The following ESRRA variants were observed in gnomAD, a reference collection of about 807,000 sequenced individuals.
ESRRA encodes estrogen related receptor alpha.
ESRRA carries 7 observed loss-of-function variants against 35.6 expected under a neutral mutation model. The ratio of observed to expected loss-of-function variants is 0.20; its 90% CI spans 0.11 to 0.37. The LOEUF (loss-of-function observed/expected upper bound fraction) is 0.37. Among genes scored for constraint, ESRRA ranks in the 10% least tolerant of loss-of-function variants. The probability of loss-of-function intolerance (pLI) is 1.00; values close to 1 mark genes in which losing one functional copy is unlikely to be tolerated. For missense variants in ESRRA, 378 were observed against 561.7 expected (o/e 0.67, Z 3.31); for synonymous variants, 223 against 246.9 (o/e 0.90, Z 0.91).
Position 64,309,425 on chromosome 11 carries a change from C to A in ESRRA, c.325+1921C>A, listed in dbSNP as rs2035097728. 2.6e-5 allele frequency among the ~76,000 whole-genome samples: 3 copies of A among 114,422 alleles called. No individual in the cohort carries two copies. The South Asian group carries it at 8.9e-4, about 34-fold the overall frequency. The allele number at this position is 114,422 out of a possible 152,430, so 75.1% of individuals were successfully genotyped here. ...CTAGTCTGGGCAACAGAATGAGACA[C>A]TCTCATCTCAAAAAAAAAAAAAAAA... On this transcript the variant is annotated intron_variant, in intron 2 of 6. Coordinates refer to ENST00000000442, the MANE Select transcript of ESRRA (RefSeq NM_004451.5).
intron 1 of ESRRA, 107 bp from the exon 2 acceptor site, chr11:64,307,061 G>C (rs1033378053): frequency 6.8e-6 from 6 of 878,420 alleles, no homozygotes; most frequent in Non-Finnish European, 8.6e-6. Context: ...CACTTGCTGG[G>C]CTTGGAAGCC....
chr11:64,308,605 A>G (rs965597502), intron 2 of ESRRA, among the ~76,000 whole-genome samples: 14 of 147,500 alleles, frequency 9.5e-5, no homozygotes, highest in Non-Finnish European at 1.6e-4. Context: ...TCATGAGGTC[A>G]GGAGATTGAG....
Position 64,314,921 on chromosome 11 carries a change from C to G in ESRRA, c.742+10C>G. 6.2e-7 allele frequency: 1 copy of G among 1,611,280 alleles called. No homozygotes were observed. The highest frequency in any genetic ancestry group is 8.5e-7 in the Non-Finnish European group (1 of 1,179,602). On this transcript the variant is annotated intron_variant, in intron 5 of 6. Coordinates refer to ENST00000000442, the MANE Select transcript of ESRRA (RefSeq NM_004451.5). ...GCCAAGAGCATCCCAGGTAAAGGGCCCAGGTGACCCGGGGCTGCCCTGAAC... is the reference window on the plus strand; with the variant it reads ...GCCAAGAGCATCCCAGGTAAAGGGCGCAGGTGACCCGGGGCTGCCCTGAAC...
At chr11:64,309,724 G>C (rs2035103648) in intron 2 of ESRRA, among the ~76,000 whole-genome samples, 1 of 151,396 alleles carries the variant, frequency 6.6e-6, no homozygotes, top group South Asian at 2.1e-4. Flanking sequence ...ACAAGGTCAG[G>C]AGTTCGAGAC....
In ESRRA at chr11:64,316,061, A is replaced by C. The variant is rs1339187292; in HGVS notation, c.*95A>C. 10 of 1,409,528 alleles carry C rather than the reference A, an allele frequency of 7.1e-6. No homozygotes were observed. The Middle Eastern group carries it at 8.0e-4, about 113-fold the overall frequency. The allele number at this position is 1,409,528 out of a possible 1,614,324, so 87.3% of individuals were successfully genotyped here. ...GCGGAGCTGGGGTCTGGGCAGTGCC[A>C]CAGCCTGCTGGCAGGGCCAGGGCAA... On this transcript the variant is annotated 3_prime_UTR_variant, in exon 7 of 7. Transcript: ENST00000000442.
intron 2 of ESRRA, among the ~76,000 whole-genome samples, chr11:64,309,287 G>C (rs189358425): frequency 1.2e-4 from 18 of 151,484 alleles, no homozygotes; most frequent in African/African-American, 4.4e-4. Flanking sequence ...ACAAAAATTA[G>C]CCGGGCGTGG....
At chr11:64,307,973 A>G (rs545031227) in intron 2 of ESRRA, among the ~76,000 whole-genome samples, 5 of 152,060 alleles carry the variant, frequency 3.3e-5, no homozygotes, top group African/African-American at 9.6e-5. Context: ...GCTCACTGCA[A>G]CCTTTGCCCC....
intron 2 of ESRRA, among the ~76,000 whole-genome samples, chr11:64,312,935 C>T (rs2035171100): frequency 6.6e-6 from 1 of 152,038 alleles, no homozygotes; most frequent in African/African-American, 2.4e-5. Context: ...GAAGCAGGGG[C>T]GTAGGCCTAG....
chr11:64,315,351 T>C (rs41294418), intron 6 of ESRRA, 81 bp downstream of exon 6: 20,982 of 1,446,920 alleles, frequency 0.015, 208 homozygotes, highest in Middle Eastern at 0.022. Context: ...CACAGCCCCA[T>C]TTTGCAGATA....
rs566802559 is a variant in ESRRA, at chr11:64,305,631, G to C, written c.-118G>C. 9.3e-4 allele frequency: 140 copies of C among 150,298 alleles called. No homozygotes were observed. Among genetic ancestry groups the C allele is most frequent in the Admixed American group, 1.5e-3 (23 of 15,106 alleles). 9.3% of individuals were successfully genotyped at this position (150,298 alleles called of 1,614,324 possible). Reference sequence around the variant, plus strand: ...GGACGCGGCGCGGTGGGGCGGCGCGGCCCGAGGAGGCGGCGGAGGAGGGGC... The same window carrying C: ...GGACGCGGCGCGGTGGGGCGGCGCGCCCCGAGGAGGCGGCGGAGGAGGGGC... On this transcript the variant is annotated 5_prime_UTR_variant, in exon 1 of 7. Coordinates refer to ENST00000000442, the MANE Select transcript of ESRRA (RefSeq NM_004451.5). The surrounding 1 kb of genome is among the most constrained non-coding windows in gnomAD (Gnocchi z 5.8).
At chr11:64,312,524 T>A (rs1043511131) in intron 2 of ESRRA, among the ~76,000 whole-genome samples, 25 of 152,198 alleles carry the variant, frequency 1.6e-4, no homozygotes, top group Admixed American at 1.3e-3. Context: ...GGGCCTGCTG[T>A]CTAGCTGTGT....
rs2035016876 is a variant in ESRRA, at chr11:64,305,689, G to A, written c.-60G>A. Reference sequence around the variant, plus strand: ...GGCCCCCGGCTCACTCCGGCACTCCGGGCCGCTCGGCCCCCATGCCTGCCC... The same window carrying A: ...GGCCCCCGGCTCACTCCGGCACTCCAGGCCGCTCGGCCCCCATGCCTGCCC... On this transcript the variant is annotated 5_prime_UTR_variant, in exon 1 of 7. Transcript: ENST00000000442. The surrounding 1 kb of genome is among the most constrained non-coding windows in gnomAD (Gnocchi z 5.8). The A allele has an allele frequency of 3.3e-5, 5 of 149,536 alleles. No individual in the cohort carries two copies. In the South Asian group the frequency reaches 1.0e-3, roughly 31 times the overall value. The allele number at this position is 149,536 out of a possible 1,614,324, so 9.3% of individuals were successfully genotyped here. A position where few individuals can be genotyped will look rare whatever the true frequency, so the allele number is the denominator to read the frequency against.
intron 1 of ESRRA, 95 bp from the exon 2 acceptor site, chr11:64,307,072 TG>T: frequency 1.9e-6 from 2 of 1,048,612 alleles, no homozygotes; most frequent in Non-Finnish European, 2.7e-6. Context: ...CTTGGAAGCC[TG>T]GCCCTAGGCC....
rs1490237734 is a variant in ESRRA at position 64,315,105 on chromosome 11, G to A, written c.847G>A (p.Glu283Lys). Residue 283 changes from glutamate to lysine, a missense_variant, in exon 6 of 7, where the codon GAG (glutamate) becomes AAG (lysine). Glu to Lys is a moderately conservative substitution (Grantham distance 56). This residue lies in a region of ESRRA where 284 missense variants were observed against 411.7 expected (regional missense o/e 0.69). Transcript: ENST00000000442. ...VAQRSLPLQDELAFAEDLVLD... is the reference protein window; with the variant it reads ...VAQRSLPLQDKLAFAEDLVLD... ...CCAGCGCTCACTGCCACTGCAGGAT[G>A]AGCTGGCCTTCGCTGAGGACTTAGT... The A allele has an allele frequency of 6.2e-7, 1 of 1,612,324 alleles. No homozygotes were observed. The highest frequency in any genetic ancestry group is 2.2e-5 in the East Asian group (1 of 44,892).
rs779933190 is a variant in ESRRA, at chr11:64,307,366, G to C, written c.187G>C (p.Glu63Gln). ...GGATGGGGAGGGGGCTGGGCCTGGC[G>C]AGCAGGGCGGTGGGAAGCTGGTGCT... is the stretch of plus-strand genomic sequence containing the variant. ...EEDGEGAGPG[E>Q]QGGGKLVLSS... Residue 63 changes from glutamate to glutamine, a missense_variant, in exon 2 of 7, where the codon GAG becomes CAG. By Grantham distance (29) the Glu-to-Gln change is conservative (BLOSUM62 2). This residue lies in a region of ESRRA where 87 missense variants were observed against 92.6 expected (regional missense o/e 0.94). Transcript: ENST00000000442. 94 of 1,608,856 alleles carry C rather than the reference G, an allele frequency of 5.8e-5. No individual in the cohort carries two copies. The highest frequency in any genetic ancestry group is 7.6e-5 in the Non-Finnish European group (90 of 1,177,350).
Position 64,316,239 on chromosome 11 carries a change from T to C in ESRRA, c.*273T>C, listed in dbSNP as rs1279762279. ...AGTGTAGGGGGCCTTGCGGAAGCCA[T>C]AGGGGGCTGCACGGGATGCGTGGGA... is the stretch of plus-strand genomic sequence containing the variant. On this transcript the variant is annotated 3_prime_UTR_variant, in exon 7 of 7. Transcript: ENST00000000442. 3.3e-5 allele frequency: 13 copies of C among 391,882 alleles called. No homozygotes were observed. The highest frequency in any genetic ancestry group is 5.1e-5 in the Non-Finnish European group (11 of 215,336). The allele number at this position is 391,882 out of a possible 1,614,324, so 24.3% of individuals were successfully genotyped here. A position where few individuals can be genotyped will look rare whatever the true frequency, so the allele number is the denominator to read the frequency against.
chr11:64,309,362 G>A (rs2035096605), intron 2 of ESRRA, among the ~76,000 whole-genome samples: 2 of 150,470 alleles, frequency 1.3e-5, no homozygotes, highest in South Asian at 2.1e-4. Context: ...AACCCGGGAG[G>A]CAGAGGTTGC....
Position 64,311,439 on chromosome 11 carries a change from G to A in ESRRA, c.326-2512G>A, listed in dbSNP as rs1377393847. ...GTCTTTTTTTTTTTTTTTTTGAGACGGAGTCTCGCTTTGTTGCCCAGGCTA... is the reference window on the plus strand; with the variant it reads ...GTCTTTTTTTTTTTTTTTTTGAGACAGAGTCTCGCTTTGTTGCCCAGGCTA... On this transcript the variant is annotated intron_variant, in intron 2 of 6. Transcript: ENST00000000442. Among the ~76,000 whole-genome samples, 7 of 150,606 alleles carry A rather than the reference G, an allele frequency of 4.6e-5. No homozygotes were observed. The South Asian group carries it at 8.4e-4, about 18-fold the overall frequency.
In ESRRA at chr11:64,313,362, C is replaced by T. The variant is rs1187984015; in HGVS notation, c.326-589C>T. On this transcript the variant is annotated intron_variant, in intron 2 of 6. Transcript: ENST00000000442. This position sits in a 1 kb window ranked among gnomAD's most constrained non-coding sequence, Gnocchi z 4.0. ...GCTGGAGAGATGGGTCTGGAGCTCA[C>T]AGCAAGTCCAGGCTAGAGGTAGAAA... Among the ~76,000 whole-genome samples the T allele has an allele frequency of 1.3e-5, 2 of 152,138 alleles. No homozygotes were observed. The highest frequency in any genetic ancestry group is 1.3e-4 in the Admixed American group (2 of 15,264).
Sources: allele counts gnomAD v4.1 joint callset (sites outside exome capture counted in the v4.1 genomes callset), GRCh38; gene constraint gnomAD v4.1.1; regional missense constraint gnomAD v4.1.1; non-coding constraint Gnocchi (gnomAD v3.1); transcripts MANE v1.5; gene names NCBI Gene and HGNC (gene_info 2026-07-23, HGNC 2026-07-21).